ADAM22: variants seen among roughly 807,000 people sequenced by gnomAD.
ADAM22 encodes the protein ADAM metallopeptidase domain 22.
Under a neutral mutation model 144.6 loss-of-function variants are expected in ADAM22, and 65 were observed. The ratio of observed to expected loss-of-function variants is 0.45; its 90% CI spans 0.37 to 0.55. The LOEUF is 0.55. ADAM22 is among the 20% of genes least tolerant of loss of function. ADAM22 has a pLI of 0.00. For synonymous variants in ADAM22, 391 were observed against 412.6 expected, an observed-to-expected ratio of 0.95 and a Z score of 0.63; for missense variants, 974 against 1,184.9, an observed-to-expected ratio of 0.82 and a Z score of 2.61.
intron 4 of ADAM22, among the ~76,000 whole-genome samples, chr7:88,104,869 A>G (rs1326474646): frequency 6.6e-6 from 1 of 152,076 alleles, no homozygotes; most frequent in African/African-American, 2.4e-5. Context: ...ATTCAACCAT[A>G]TTGAGCTCTT....
intron 17 of ADAM22, among the ~76,000 whole-genome samples, chr7:88,146,159 A>C (rs113443793): frequency 2.6e-5 from 4 of 152,310 alleles, no homozygotes; most frequent in African/African-American, 9.6e-5. Flanking sequence ...TTTCTCATAC[A>C]AAATCTGGTG....
chr7:88,104,950 A>G (rs1823959526), intron 4 of ADAM22, among the ~76,000 whole-genome samples: 1 of 151,788 alleles, frequency 6.6e-6, no homozygotes, highest in African/African-American at 2.4e-5. Context: ...CTTGACTCCT[A>G]TTTTTTTCAA....
At chr7:87,995,918 A>G (rs1294760950) in intron 3 of ADAM22, among the ~76,000 whole-genome samples, 1 of 152,230 alleles carries the variant, frequency 6.6e-6, no homozygotes, top group East Asian at 1.9e-4. Context: ...GAAAACCATG[A>G]CCAGATGTTT....
At chr7:88,154,020 A>G (rs940015306) in intron 21 of ADAM22, among the ~76,000 whole-genome samples, 1 of 152,210 alleles carries the variant, frequency 6.6e-6, no homozygotes, top group Non-Finnish European at 1.5e-5. Flanking sequence ...AGTACCCAGC[A>G]CTGATTGAGT....
intron 4 of ADAM22, among the ~76,000 whole-genome samples, chr7:88,080,663 G>A (rs1402282320): frequency 6.6e-6 from 1 of 152,068 alleles, no homozygotes; most frequent in Non-Finnish European, 1.5e-5. Context: ...TGACAAAGGT[G>A]ATATCTCCAC....
At chr7:88,093,873 G>T (rs1187524277) in intron 4 of ADAM22, among the ~76,000 whole-genome samples, 1 of 152,066 alleles carries the variant, frequency 6.6e-6, no homozygotes, top group Non-Finnish European at 1.5e-5. Flanking sequence ...TATTTTCTTT[G>T]CACCTATGAG....
intron 2 of ADAM22, among the ~76,000 whole-genome samples, chr7:87,961,668 A>C (rs1848025470): frequency 6.6e-6 from 1 of 152,206 alleles, no homozygotes; most frequent in African/African-American, 2.4e-5. Flanking sequence ...AAGCTTACTA[A>C]GTAGCAGATA....
chr7:87,946,018 T>G (rs1222891651), intron 2 of ADAM22, among the ~76,000 whole-genome samples: 1 of 152,172 alleles, frequency 6.6e-6, no homozygotes, highest in Non-Finnish European at 1.5e-5. Flanking sequence ...AAGTGTTCCC[T>G]TTTCTCCTTA....
intron 4 of ADAM22, among the ~76,000 whole-genome samples, chr7:88,076,678 G>A (rs1002186346): frequency 5.3e-5 from 8 of 152,156 alleles, no homozygotes; most frequent in Admixed American, 2.6e-4. Context: ...CCAGCTAGAG[G>A]CATAAGAATG....
intron 20 of ADAM22, among the ~76,000 whole-genome samples, chr7:88,152,896 G>A (rs1363112527): frequency 1.3e-5 from 2 of 152,074 alleles, no homozygotes; most frequent in Non-Finnish European, 2.9e-5. Flanking sequence ...GGCCAGGGTG[G>A]TCTCGATCTC....
intron 3 of ADAM22, among the ~76,000 whole-genome samples, chr7:88,039,424 A>G (rs1208657923): frequency 1.6e-5 from 2 of 127,868 alleles, no homozygotes; most frequent in Non-Finnish European, 3.5e-5. Context: ...CCTGGGCAAC[A>G]GGGCAACAGA....
At chr7:88,005,577 C>A (rs577816250) in intron 3 of ADAM22, among the ~76,000 whole-genome samples, 1 of 152,210 alleles carries the variant, frequency 6.6e-6, no homozygotes, top group East Asian at 1.9e-4. Flanking sequence ...GATGTGAGCT[C>A]ACAGAGACCA....
intron 29 of ADAM22, 92 bp from the exon 30 acceptor site, chr7:88,186,523 A>G: frequency 1.2e-6 from 1 of 837,600 alleles, no homozygotes; most frequent in Admixed American, 1.9e-5. Flanking sequence ...TTGCATTTGG[A>G]GGGTGAAGAC....
At chr7:88,153,077 G>A in intron 20 of ADAM22, 144 bp from the exon 21 acceptor site, 1 of 568,934 alleles carries the variant, frequency 1.8e-6, no homozygotes, top group Non-Finnish European at 3.1e-6. Flanking sequence ...TGGTAAAACT[G>A]TGAACCGTTC....
chr7:87,954,834 G>T (rs1228102695), intron 2 of ADAM22, among the ~76,000 whole-genome samples: 1 of 152,142 alleles, frequency 6.6e-6, no homozygotes, highest in African/African-American at 2.4e-5. Flanking sequence ...TGGAGGCTTT[G>T]CTCATTTCTT....
chr7:88,148,285 G>A (rs371515474), intron 17 of ADAM22, among the ~76,000 whole-genome samples: 4 of 152,116 alleles, frequency 2.6e-5, no homozygotes, highest in South Asian at 4.2e-4. Flanking sequence ...GGAAGGGGAA[G>A]TACTTTAACT....
intron 1 of ADAM22, 136 bp downstream of exon 1, chr7:87,934,686 G>GGAGATC: frequency 1.2e-6 from 1 of 864,270 alleles, no homozygotes; most frequent in Non-Finnish European, 1.7e-6. Context: ...TTTTTAATTC[G>GGAGATC]GGAGGGTGGT....
At chr7:88,141,281 A>AGG (rs1834557158) in intron 14 of ADAM22, among the ~76,000 whole-genome samples, 1 of 152,156 alleles carries the variant, frequency 6.6e-6, no homozygotes, top group African/African-American at 2.4e-5. Flanking sequence ...GTATCTGGAA[A>AGG]CCCTCCTTGT....
intron 2 of ADAM22, among the ~76,000 whole-genome samples, chr7:87,953,956 G>A (rs1332018286): frequency 1.3e-5 from 2 of 152,174 alleles, no homozygotes; most frequent in South Asian, 4.2e-4. Flanking sequence ...CAGAGACTAG[G>A]ATTGCAACCC....
Sources: allele counts gnomAD v4.1 joint callset (sites outside exome capture counted in the v4.1 genomes callset), GRCh38; gene constraint gnomAD v4.1.1; transcripts MANE v1.5; gene names NCBI Gene and HGNC (gene_info 2026-07-23, HGNC 2026-07-21).